ALPL: variants seen among roughly 807,000 people sequenced by gnomAD.
The protein encoded by ALPL is alkaline phosphatase, biomineralization associated, also known as alkaline phosphatase, tissue-nonspecific isozyme.
Under a neutral mutation model 51.3 loss-of-function variants are expected in ALPL, and 42 were observed. That is an observed-to-expected ratio of 0.82 (90% CI 0.64 to 1.06). ALPL has a LOEUF of 1.06. ALPL is among the 50% of genes least tolerant of loss of function. The probability of loss-of-function intolerance (pLI) is 0.00; values close to 1 mark genes in which losing one functional copy is unlikely to be tolerated. For missense variants in ALPL, 589 were observed against 709.4 expected, an observed-to-expected ratio of 0.83 and a Z score of 1.93; for synonymous variants, 279 against 296.4, an observed-to-expected ratio of 0.94 and a Z score of 0.60.
At chr1:21,523,984 A>G (rs1384719001) in intron 1 of ALPL, among the ~76,000 whole-genome samples, 1 of 146,852 alleles carries the variant, frequency 6.8e-6, no homozygotes, top group Non-Finnish European at 1.5e-5. Flanking sequence ...CAAAGGGTAG[A>G]TACTCAAATC....
intron 9 of ALPL, chr1:21,574,009 G>C: frequency 1.0e-6 from 1 of 985,452 alleles, no homozygotes; most frequent in Non-Finnish European, 1.2e-6. Flanking sequence ...ATGCAAGTTA[G>C]GTTCAGCAAT....
intron 1 of ALPL, among the ~76,000 whole-genome samples, chr1:21,550,145 T>C (rs1255272091): frequency 6.6e-6 from 1 of 152,002 alleles, no homozygotes; most frequent in Non-Finnish European, 1.5e-5. Context: ...GCAAGAGAGA[T>C]TTTTGGGGTG....
At chr1:21,531,106 A>G (rs1327870257) in intron 1 of ALPL, among the ~76,000 whole-genome samples, 1 of 151,536 alleles carries the variant, frequency 6.6e-6, no homozygotes, top group Non-Finnish European at 1.5e-5. Flanking sequence ...GGCACCCACC[A>G]CCACACCCGG....
intron 1 of ALPL, among the ~76,000 whole-genome samples, chr1:21,552,371 C>T (rs1644342747): frequency 6.7e-6 from 1 of 149,442 alleles, no homozygotes; most frequent in African/African-American, 2.5e-5. Flanking sequence ...CCCAGCCACT[C>T]GGGAGGCTGA....
In ALPL at chr1:21,577,858, C is replaced by T; in HGVS notation, c.*210C>T. Reference sequence around the variant, plus strand: ...CCACTTCTGGCCTCCAGCCTTTGCTCCCTCCCCGCTGCCCTTTGGCCAACA... The same window carrying T: ...CCACTTCTGGCCTCCAGCCTTTGCTTCCTCCCCGCTGCCCTTTGGCCAACA... On this transcript the variant is annotated 3_prime_UTR_variant, in exon 12 of 12. Coordinates refer to ENST00000374840, the MANE Select transcript of ALPL (RefSeq NM_000478.6). 1 of 659,206 alleles carries T rather than the reference C, an allele frequency of 1.5e-6. No individual in the cohort carries two copies. The highest frequency in any genetic ancestry group is 1.9e-5 in the South Asian group (1 of 51,366). 40.8% of individuals were successfully genotyped at this position (659,206 alleles called of 1,614,324 possible). A position where few individuals can be genotyped will look rare whatever the true frequency, so the allele number is the denominator to read the frequency against.
At chr1:21,536,820 C>T (rs756236462) in intron 1 of ALPL, among the ~76,000 whole-genome samples, 34 of 151,710 alleles carry the variant, frequency 2.2e-4, no homozygotes, top group Admixed American at 5.2e-4. Flanking sequence ...CCACTCCACT[C>T]ACCAGAGGGA....
At chr1:21,536,191 TTTCTGTAA>T (rs1402229446) in intron 1 of ALPL, among the ~76,000 whole-genome samples, 1 of 152,186 alleles carries the variant, frequency 6.6e-6, no homozygotes, top group African/African-American at 2.4e-5. Flanking sequence ...GCCCCAAAAC[TTTCTGTAA>T]TTCTAGAAGT....
intron 8 of ALPL, among the ~76,000 whole-genome samples, chr1:21,571,490 G>A (rs904700789): frequency 6.6e-6 from 1 of 151,788 alleles, no homozygotes; most frequent in African/African-American, 2.4e-5. Flanking sequence ...GGCTAACGAG[G>A]TGAAACCCCA....
At position 21,576,218 on chromosome 1, in the gene ALPL, T is replaced by TGATGGATG. The variant is rs371658562; in HGVS notation, c.1190-275_1190-268dup. Among the ~76,000 whole-genome samples the TGATGGATG allele has an allele frequency of 0.028, 4,025 of 142,124 alleles. 71 individuals carry two copies. Among genetic ancestry groups the TGATGGATG allele is most frequent in the Non-Finnish European group, 0.038 (2,455 of 63,864 alleles). 93.2% of individuals were successfully genotyped at this position (142,124 alleles called of 152,430 possible). On this transcript the variant is annotated intron_variant, in intron 10 of 11. Coordinates refer to ENST00000374840, the MANE Select transcript of ALPL (RefSeq NM_000478.6). ...GATGGCTGGCTGGATGATGGATGGA[T>TGATGGATG]GATGGATGGATGGATGGATGGATGG... is the stretch of plus-strand genomic sequence containing the variant.
intron 8 of ALPL, among the ~76,000 whole-genome samples, chr1:21,571,524 T>G (rs1056071714): frequency 6.6e-6 from 1 of 151,720 alleles, no homozygotes; most frequent in African/African-American, 2.4e-5. Flanking sequence ...TACAAAAAAT[T>G]AGCCTGGCGT....
At chr1:21,573,464 AG>A (rs1644679738) in intron 8 of ALPL, among the ~76,000 whole-genome samples, 200 bp from the exon 9 acceptor site, 1 of 149,492 alleles carries the variant, frequency 6.7e-6, no homozygotes, top group African/African-American at 2.4e-5. Flanking sequence ...GAAAAGAAAA[AG>A]AAAAAAGAAA....
At chr1:21,561,666 C>CTTTTTT (rs11296484) in intron 4 of ALPL, among the ~76,000 whole-genome samples, 1 of 112,412 alleles carries the variant, frequency 8.9e-6, no homozygotes, top group African/African-American at 3.4e-5. Flanking sequence ...CTATATATGC[C>CTTTTTT]TTTTTTTTTT....
chr1:21,512,557 C>T (rs1362847585), intron 1 of ALPL, among the ~76,000 whole-genome samples: 2 of 152,130 alleles, frequency 1.3e-5, no homozygotes, highest in African/African-American at 4.8e-5. Context: ...GCAGGGAAAA[C>T]ACTGGTTTGG....
intron 8 of ALPL, among the ~76,000 whole-genome samples, chr1:21,572,815 G>A (rs1283453450): frequency 6.6e-5 from 10 of 152,124 alleles, no homozygotes; most frequent in Admixed American, 2.6e-4. Context: ...GTGAGAAAAC[G>A]GAGCCCAGTG....
intron 1 of ALPL, among the ~76,000 whole-genome samples, chr1:21,542,350 C>T (rs966603506): frequency 6.6e-6 from 1 of 152,202 alleles, no homozygotes; most frequent in African/African-American, 2.4e-5. Flanking sequence ...CTAGGGGATG[C>T]TGGCTCCAAG....
intron 2 of ALPL, among the ~76,000 whole-genome samples, chr1:21,555,797 GTC>G (rs1644405346): frequency 6.6e-6 from 1 of 151,374 alleles, no homozygotes; most frequent in African/African-American, 2.4e-5. Context: ...TTGAGACAGT[GTC>G]TCTCTCTGTC....
At chr1:21,570,199 T>C in intron 7 of ALPL, 106 bp from the exon 8 acceptor site, 1 of 1,139,312 alleles carries the variant, frequency 8.8e-7, no homozygotes, top group Non-Finnish European at 1.3e-6. Flanking sequence ...GATTTTTAAG[T>C]GAGGGAAGGA....
rs535287071 is a variant in ALPL at position 21,528,799 on chromosome 1, G to A, written c.-105+19282G>A. 2.1e-3 allele frequency among the ~76,000 whole-genome samples: 312 copies of A among 151,730 alleles called. 1 individual carries two copies. The highest frequency in any genetic ancestry group is 3.7e-3 in the Non-Finnish European group (254 of 67,944). ...TATTATGGAGTCAGGGCCGGGCGTC[G>A]TGGCTCATACATGTAATCCCAGCAC... On this transcript the variant is annotated intron_variant, in intron 1 of 11. Transcript: ENST00000374840.
chr1:21,557,771 G>C (rs115333789), intron 2 of ALPL, among the ~76,000 whole-genome samples: 2 of 152,012 alleles, frequency 1.3e-5, no homozygotes, highest in African/African-American at 4.8e-5. Flanking sequence ...TTACAGAAAA[G>C]GGCACCGATC....
Sources: allele counts gnomAD v4.1 joint callset (sites outside exome capture counted in the v4.1 genomes callset), GRCh38; gene constraint gnomAD v4.1.1; transcripts MANE v1.5; gene names NCBI Gene and HGNC (gene_info 2026-07-23, HGNC 2026-07-21).